The following STAB2 variants were observed in gnomAD, a reference collection of about 807,000 sequenced individuals.
STAB2 encodes the protein stabilin-2.
In STAB2, 288 loss-of-function variants were observed where a neutral mutation model predicts 338.1. That is an observed-to-expected ratio of 0.85 (90% CI 0.77 to 0.94). The LOEUF (loss-of-function observed/expected upper bound fraction) is 0.94. STAB2 is among the 40% of genes least tolerant of loss of function. The pLI is 0.00. For synonymous variants in STAB2, 1,202 were observed against 1,193.3 expected (o/e 1.01, Z -0.15); for missense variants, 3,141 against 3,210.1 (o/e 0.98, Z 0.52).
intron 55 of STAB2, among the ~76,000 whole-genome samples, chr12:103,741,514 C>T (rs879650443): frequency 7.2e-5 from 11 of 152,212 alleles, no homozygotes; most frequent in African/African-American, 2.7e-4. Context: ...AGTACAGTGG[C>T]AGGACCACAG....
rs752392150 is a variant in STAB2, at chr12:103,739,404, C to A, written c.5698-8C>A. On this transcript the variant is annotated splice_region_variant and splice_polypyrimidine_tract_variant and intron_variant, in intron 53 of 68. Coordinates refer to ENST00000388887, the MANE Select transcript of STAB2 (RefSeq NM_017564.10). Reference sequence around the variant, plus strand: ...TGGTTTTCAAGTGTTTCTTTTCTTGCATACTAGGGGGAGTGTGGGAGCTGT... The same window carrying A: ...TGGTTTTCAAGTGTTTCTTTTCTTGAATACTAGGGGGAGTGTGGGAGCTGT... 1.1e-5 allele frequency: 18 copies of A among 1,569,038 alleles called. No individual in the cohort carries two copies. The East Asian group carries it at 2.3e-4, about 20-fold the overall frequency.
intron 3 of STAB2, among the ~76,000 whole-genome samples, chr12:103,612,475 A>G (rs538780342): frequency 6.6e-6 from 1 of 152,350 alleles, no homozygotes; most frequent in Non-Finnish European, 1.5e-5. Context: ...CAGTTGATCA[A>G]ATTGGCTACT....
intron 63 of STAB2, among the ~76,000 whole-genome samples, chr12:103,756,799 G>A (rs538349975): frequency 5.3e-5 from 8 of 152,050 alleles, no homozygotes; most frequent in African/African-American, 1.9e-4. Context: ...TCTGTCCACA[G>A]ACCAAAGATA....
intron 19 of STAB2, 47 bp downstream of exon 19, chr12:103,666,400 A>G (rs750939869): frequency 6.2e-7 from 1 of 1,601,386 alleles, no homozygotes; most frequent in African/African-American, 1.3e-5. Context: ...AAGCAGCCCC[A>G]CTGGTGTGGT....
intron 41 of STAB2, among the ~76,000 whole-genome samples, chr12:103,712,901 G>A (rs1350049237): frequency 6.6e-6 from 1 of 152,160 alleles, no homozygotes; most frequent in Non-Finnish European, 1.5e-5. Flanking sequence ...TACCCAGGTG[G>A]CCTTGGATAG....
rs780798329 is a variant in STAB2 at position 103,758,320 on chromosome 12, G to C, written c.7107+31G>C. The C allele has an allele frequency of 2.5e-6, 4 of 1,609,530 alleles. No homozygotes were observed. In the African/African-American group the frequency reaches 5.3e-5, roughly 21 times the overall value. On this transcript the variant is annotated intron_variant, in intron 64 of 68. Coordinates refer to ENST00000388887, the MANE Select transcript of STAB2 (RefSeq NM_017564.10). ...TTGAGTCCCTGGTGCCTTTGCTTTA[G>C]ACTAGCATGTTATCTATCACCACAA... is the stretch of plus-strand genomic sequence containing the variant.
chr12:103,706,944 C>A lies in STAB2; in HGVS notation c.4149C>A (p.Cys1383Ter). Residue 1383 changes from cysteine to a stop codon, truncating the protein, a stop_gained, in exon 38 of 69, where the codon TGC becomes TGA. Coordinates refer to ENST00000388887, the MANE Select transcript of STAB2 (RefSeq NM_017564.10). LOFTEE classifies it high-confidence loss of function. ...GGGAGGGCTTCAGCGGCACAGCCTG[C>A]GAGACCTGCACCGAGGGCAAGTACG... ...ECGEGFSGTA[C>*]ETCTEGKYGI... The A allele has an allele frequency of 6.2e-7, 1 of 1,614,152 alleles. No homozygotes were observed. Among genetic ancestry groups the A allele is most frequent in the Non-Finnish European group, 8.5e-7 (1 of 1,180,022 alleles).
At chr12:103,729,363 T>C (rs186258016) in intron 48 of STAB2, among the ~76,000 whole-genome samples, 145 of 152,308 alleles carry the variant, frequency 9.5e-4, no homozygotes, top group African/African-American at 3.4e-3. Context: ...TGTTTGCTTT[T>C]TTTTTAAACA....
At chr12:103,647,266 C>G (rs970671268) in intron 9 of STAB2, among the ~76,000 whole-genome samples, 4 of 152,030 alleles carry the variant, frequency 2.6e-5, no homozygotes, top group Non-Finnish European at 4.4e-5. Flanking sequence ...CTGCAGCAAA[C>G]TTGTTGAACA....
intron 3 of STAB2, among the ~76,000 whole-genome samples, chr12:103,606,314 A>G (rs1957026768): frequency 6.6e-6 from 1 of 152,186 alleles, no homozygotes; most frequent in African/African-American, 2.4e-5. Context: ...TATTACTTCT[A>G]TATATATTAG....
intron 57 of STAB2, 85 bp from the exon 58 acceptor site, chr12:103,746,512 A>G: frequency 7.7e-7 from 1 of 1,292,334 alleles, no homozygotes; most frequent in Admixed American, 1.7e-5. Flanking sequence ...GTGGTCGTCC[A>G]GAGAGAGTCT....
chr12:103,702,626 C>A (rs1879001504), intron 34 of STAB2, among the ~76,000 whole-genome samples: 1 of 152,204 alleles, frequency 6.6e-6, no homozygotes, highest in Admixed American at 6.5e-5. Context: ...CTTGTATAAC[C>A]ATCATTAGCC....
At chr12:103,638,286 C>G in intron 8 of STAB2, 74 bp downstream of exon 8, 1 of 1,477,258 alleles carries the variant, frequency 6.8e-7, no homozygotes, top group Non-Finnish European at 9.2e-7. Flanking sequence ...TATCATTTGT[C>G]TTCTATGCCA....
chr12:103,656,677 A>ATTTTTTTT (rs62855260), intron 15 of STAB2, among the ~76,000 whole-genome samples: 2 of 119,000 alleles, frequency 1.7e-5, no homozygotes, highest in Non-Finnish European at 3.4e-5. Flanking sequence ...AAAACTTAGG[A>ATTTTTTTT]TTTTTTTTTT....
chr12:103,650,772 C>T (rs1279981797), intron 11 of STAB2, among the ~76,000 whole-genome samples, 194 bp downstream of exon 11: 5 of 152,162 alleles, frequency 3.3e-5, no homozygotes, highest in Non-Finnish European at 5.9e-5. Flanking sequence ...AAGTGTACAA[C>T]TCAGTGAATT....
Position 103,711,506 on chromosome 12 carries a change from A to G in STAB2, c.4324A>G (p.Thr1442Ala). The change falls in exon 40 of 69, where the codon ACC becomes GCC. Residue 1442 changes from threonine to alanine, a missense_variant. By Grantham distance (58) the Thr-to-Ala change is moderately conservative. Coordinates refer to ENST00000388887, the MANE Select transcript of STAB2 (RefSeq NM_017564.10). ...AGACAACTGCAATGGGACATGCCAT[A>G]CCAGCGCCAAGTAGGTAGCCCTGGG... ...TEDNCNGTCH[T>A]SANCLTNSDG... 6.2e-7 allele frequency: 1 copy of G among 1,614,156 alleles called. No homozygotes were observed. Among genetic ancestry groups the G allele is most frequent in the Non-Finnish European group, 8.5e-7 (1 of 1,180,024 alleles).
chr12:103,743,978 AT>A (rs1275618347), intron 56 of STAB2, among the ~76,000 whole-genome samples: 4 of 152,130 alleles, frequency 2.6e-5, no homozygotes, highest in African/African-American at 9.7e-5. Context: ...TTGTGAAGAG[AT>A]TAGAAAGGAT....
intron 31 of STAB2, among the ~76,000 whole-genome samples, chr12:103,693,304 A>T (rs1490465240): frequency 2.6e-5 from 4 of 151,750 alleles, no homozygotes; most frequent in Non-Finnish European, 1.5e-5. Flanking sequence ...AAAAAAAAGC[A>T]TGCACCTATG....
intron 15 of STAB2, among the ~76,000 whole-genome samples, chr12:103,659,049 T>C (rs899293722): frequency 4.6e-5 from 7 of 152,206 alleles, no homozygotes; most frequent in Admixed American, 3.3e-4. Flanking sequence ...CTAGGTGACT[T>C]GCTCAAGGTC....
Sources: allele counts gnomAD v4.1 joint callset (sites outside exome capture counted in the v4.1 genomes callset), GRCh38; gene constraint gnomAD v4.1.1; transcripts MANE v1.5; gene names NCBI Gene and HGNC (gene_info 2026-07-23, HGNC 2026-07-21).